Variants in CD177 observed in about 807,000 individuals in gnomAD.
The protein encoded by CD177 is CD177 antigen.
In CD177, 41 loss-of-function variants were observed where a neutral mutation model predicts 38.1. That is an observed-to-expected ratio of 1.07 (90% CI 0.84 to 1.39). The LOEUF (loss-of-function observed/expected upper bound fraction) is 1.39, where lower values mean the gene tolerates loss of function less well. Ranked by LOEUF, CD177 falls within the 40% of genes most tolerant of loss-of-function variation. The probability of loss-of-function intolerance (pLI) is 0.00; values close to 1 mark genes in which losing one functional copy is unlikely to be tolerated. For missense variants in CD177, 619 were observed against 523.8 expected, an observed-to-expected ratio of 1.18 and a Z score of -1.77; for synonymous variants, 236 against 216.7, an observed-to-expected ratio of 1.09 and a Z score of -0.78.
In CD177 at chr19:43,362,204, C is replaced by CA. The variant is rs778439043; in HGVS notation, c.1198_1199insA (p.Pro400HisfsTer7). On this transcript the variant is annotated frameshift_variant, in exon 9 of 9. Transcript: ENST00000618265. LOFTEE classifies it low-confidence loss of function (END_TRUNC). ...TGCGCGTGAGAAGCGTGATGTGCAG[C>CA]CTCCTGCCTCTCAGCATGAGGGAGG... 1 of 1,612,324 alleles carries CA rather than the reference C, an allele frequency of 6.2e-7. No individual in the cohort carries two copies. The highest frequency in any genetic ancestry group is 1.1e-5 in the South Asian group (1 of 90,990).
intron 8 of CD177, 54 bp from the exon 9 acceptor site, chr19:43,362,034 C>T: frequency 6.6e-7 from 1 of 1,515,996 alleles, no homozygotes; most frequent in South Asian, 1.2e-5. Flanking sequence ...CCTGGGTTTA[C>T]AACTTGGCTG....
rs1969989283 is a variant in CD177, at chr19:43,362,625, G to A, written c.*305G>A. On this transcript the variant is annotated 3_prime_UTR_variant, in exon 9 of 9. Transcript: ENST00000618265. ...GTGAGGGGGCAGCAGGACACCCAGGGATCTAGCGTGGGGGAGGAGAGGAGC... is the reference window on the plus strand; with the variant it reads ...GTGAGGGGGCAGCAGGACACCCAGGAATCTAGCGTGGGGGAGGAGAGGAGC... 1.2e-5 allele frequency: 3 copies of A among 253,782 alleles called. No individual in the cohort carries two copies. The highest frequency in any genetic ancestry group is 2.2e-5 in the Non-Finnish European group (3 of 134,016). The allele number at this position is 253,782 out of a possible 1,614,324, so 15.7% of individuals were successfully genotyped here. A position where few individuals can be genotyped will look rare whatever the true frequency, so the allele number is the denominator to read the frequency against.
At chr19:43,354,020 C>T (rs1285425877) in intron 2 of CD177, 27 bp downstream of exon 2, 2 of 1,604,782 alleles carry the variant, frequency 1.2e-6, no homozygotes, top group African/African-American at 1.3e-5. Flanking sequence ...GTGCAGAGAC[C>T]CCGCCCTGTC....
downstream of CD177, among the ~76,000 whole-genome samples, chr19:43,363,709 G>A (rs890043584): frequency 5.3e-5 from 8 of 152,232 alleles, no homozygotes; most frequent in South Asian, 2.1e-4. Flanking sequence ...AGAAGAGAGC[G>A]AATCTGGAGA....
intron 3 of CD177, among the ~76,000 whole-genome samples, chr19:43,355,130 C>T (rs200306843): frequency 0.57 from 39,374 of 69,456 alleles, 10,121 homozygotes; most frequent in East Asian, 0.7. Context: ...TTTTTTTTTT[C>T]TGAGAAAGCG....
rs1365173457 is a variant in CD177, at chr19:43,361,551, T to C, written c.1053T>C (p.Cys351=). The change falls in exon 8 of 9, where the codon TGT becomes TGC. Residue 351 remains cysteine, a synonymous_variant. Coordinates refer to ENST00000618265, the MANE Select transcript of CD177 (RefSeq NM_020406.4). ...CCTGCCCCAGGGGCGCCACTCATTG[T>C]TATGATGGGTACATTCATCTCTCAG... ...RMTCPRGATH[C]YDGYIHLSGG... is the part of the protein sequence containing the mutation. 2.5e-6 allele frequency: 4 copies of C among 1,579,318 alleles called. No homozygotes were observed. Among genetic ancestry groups the C allele is most frequent in the South Asian group, 2.3e-5 (2 of 86,448 alleles).
At chr19:43,361,838 G>C (rs1969972364) in intron 8 of CD177, among the ~76,000 whole-genome samples, 1 of 149,840 alleles carries the variant, frequency 6.7e-6, no homozygotes, top group Non-Finnish European at 1.5e-5. Context: ...AGGGGCTGGG[G>C]GCCGGGGCTC....
chr19:43,360,176 G>C lies in CD177; in HGVS notation c.620-89G>C, dbSNP rs1404970558. ...CCAGGTCACCTGGAGTGTGACTCAA[G>C]AGTGTGATCACCTTCCCTAGCCCAG... On this transcript the variant is annotated intron_variant, in intron 5 of 8. Coordinates refer to ENST00000618265, the MANE Select transcript of CD177 (RefSeq NM_020406.4). The C allele has an allele frequency of 1.1e-5, 16 of 1,473,860 alleles. 1 individual carries two copies. In the East Asian group the frequency reaches 3.8e-4, roughly 35 times the overall value. The allele number at this position is 1,473,860 out of a possible 1,614,324, so 91.3% of individuals were successfully genotyped here.
chr19:43,360,379 A>G lies in CD177; in HGVS notation c.734A>G (p.Gln245Arg). ...TEMCEVGQVC[Q>R]ETLLLLDVGL... ...ATGTGCGAGGTGGGGCAGGTGTGTC[A>G]GGAGACGCTGCTGCTCCTAGATGTA... The change falls in exon 6 of 9, where the codon CAG (glutamine) becomes CGG (arginine). Residue 245 changes from glutamine (Q) to arginine (R), a missense_variant. By Grantham distance (43) the Gln-to-Arg change is conservative (BLOSUM62 1). Transcript: ENST00000618265. The G allele has an allele frequency of 1.9e-6, 3 of 1,606,936 alleles. No individual in the cohort carries two copies. In the South Asian group the frequency reaches 3.4e-5, roughly 18 times the overall value.
chr19:43,361,972 G>C (rs1418293300), intron 8 of CD177, 116 bp from the exon 9 acceptor site: 1 of 818,846 alleles, frequency 1.2e-6, no homozygotes, highest in African/African-American at 1.7e-5. Context: ...AGGAGCTGGA[G>C]CTGGGGGTCT....
At chr19:43,354,567 C>G (rs944268586) in intron 3 of CD177, 175 bp downstream of exon 3, 23 of 671,284 alleles carry the variant, frequency 3.4e-5, no homozygotes, top group African/African-American at 5.4e-5. Context: ...CTTTCCATCC[C>G]TCCCCACTCA....
intron 3 of CD177, 25 bp from the exon 4 acceptor site, chr19:43,355,636 C>T (rs369543421): frequency 1.2e-6 from 2 of 1,612,150 alleles, no homozygotes; most frequent in Non-Finnish European, 1.7e-6. Context: ...TCAGTGCCCC[C>T]TCACTCTGTC....
chr19:43,363,541 G>T (rs1413313959), downstream of CD177, among the ~76,000 whole-genome samples: 1 of 152,300 alleles, frequency 6.6e-6, no homozygotes, highest in Admixed American at 6.5e-5. Flanking sequence ...GGGAAGTGGG[G>T]AACTAAAATT....
At chr19:43,361,895 AG>A (rs1456616129) in intron 8 of CD177, among the ~76,000 whole-genome samples, 192 bp from the exon 9 acceptor site, 1 of 118,652 alleles carries the variant, frequency 8.4e-6, no homozygotes, top group Non-Finnish European at 1.8e-5. Flanking sequence ...CTGAGGTAGG[AG>A]GGACTGGGGG....
chr19:43,360,075 G>C (rs565028807), intron 5 of CD177, among the ~76,000 whole-genome samples, 190 bp from the exon 6 acceptor site: 1 of 152,024 alleles, frequency 6.6e-6, no homozygotes, highest in South Asian at 2.1e-4. Flanking sequence ...GGGTGTTCAA[G>C]CAGAAACAGG....
intron 8 of CD177, among the ~76,000 whole-genome samples, chr19:43,361,819 T>C (rs1384854558): frequency 7.4e-6 from 1 of 135,140 alleles, no homozygotes; most frequent in Non-Finnish European, 1.6e-5. Context: ...ACTCCTGGTC[T>C]GAGGGAGGAG....
At chr19:43,364,233 G>T (rs1970011284), downstream of CD177, among the ~76,000 whole-genome samples, 1 of 152,252 alleles carries the variant, frequency 6.6e-6, no homozygotes, top group Non-Finnish European at 1.5e-5. Context: ...AGAAAGATGG[G>T]GAGGAGATGG....
rs754133534 is a variant in CD177, at chr19:43,353,956, C to T, written c.156C>T (p.Gly52=). 6.2e-7 allele frequency: 1 copy of T among 1,613,902 alleles called. No homozygotes were observed. The highest frequency in any genetic ancestry group is 8.5e-7 in the Non-Finnish European group (1 of 1,179,846). ...CTAAGAACACCAGCTGCGACAGCGGCTTGGGGTGCCAGGACACGTTGATGC... is the reference window on the plus strand; with the variant it reads ...CTAAGAACACCAGCTGCGACAGCGGTTTGGGGTGCCAGGACACGTTGATGC... ...WTPKNTSCDS[G]LGCQDTLMLI... The change falls in exon 2 of 9, where the codon GGC becomes GGT. Residue 52 remains glycine (G), a synonymous_variant. Transcript: ENST00000618265.
At chr19:43,361,693 G>T in intron 8 of CD177, 114 bp downstream of exon 8, 1 of 1,125,598 alleles carries the variant, frequency 8.9e-7, no homozygotes, top group East Asian at 2.6e-5. Context: ...GAGGCGCTGG[G>T]GGCCTGGACT....
Sources: allele counts gnomAD v4.1 joint callset (sites outside exome capture counted in the v4.1 genomes callset), GRCh38; gene constraint gnomAD v4.1.1; transcripts MANE v1.5; gene names NCBI Gene and HGNC (gene_info 2026-07-23, HGNC 2026-07-21).